The following SCRN3 variants were observed in gnomAD, a reference collection of about 807,000 sequenced individuals.
The protein encoded by SCRN3 is secernin 3, also known as secernin-3.
A neutral mutation model predicts 43.1 loss-of-function variants in SCRN3; 39 were observed. The ratio of observed to expected loss-of-function variants is 0.91; its 90% CI spans 0.70 to 1.18. The LOEUF (loss-of-function observed/expected upper bound fraction) is 1.18. SCRN3 is among the 50% of genes most tolerant of loss of function. The pLI is 0.00. For missense variants in SCRN3, 484 were observed against 498.0 expected, an observed-to-expected ratio of 0.97 and a Z score of 0.27; for synonymous variants, 147 against 163.1, an observed-to-expected ratio of 0.90 and a Z score of 0.75.
intron 5 of SCRN3, among the ~76,000 whole-genome samples, chr2:174,420,969 A>G (rs1010561820): frequency 1.3e-5 from 2 of 152,180 alleles, no homozygotes; most frequent in African/African-American, 4.8e-5. Flanking sequence ...AGCCTCAAGA[A>G]GCTCTGCAAA....
At chr2:174,411,931 T>C (rs1314702717) in intron 5 of SCRN3, among the ~76,000 whole-genome samples, 1 of 152,082 alleles carries the variant, frequency 6.6e-6, no homozygotes, top group African/African-American at 2.4e-5. Context: ...AAAAAAAATT[T>C]TTTTAATTAA....
intron 7 of SCRN3, among the ~76,000 whole-genome samples, chr2:174,425,489 C>T (rs1298549112): frequency 2.0e-5 from 3 of 152,126 alleles, no homozygotes; most frequent in Admixed American, 6.5e-5. Context: ...AAGGCATATA[C>T]ATTTACATTC....
chr2:174,395,964 G>A (rs936133431), intron 1 of SCRN3, 147 bp downstream of exon 1: 9 of 1,390,860 alleles, frequency 6.5e-6, no homozygotes, highest in Non-Finnish European at 8.4e-6. Context: ...GGTGCGGGGT[G>A]GACCGCGGCG....
chr2:174,412,029 GTC>G (rs139230285), intron 5 of SCRN3, among the ~76,000 whole-genome samples: 1 of 151,782 alleles, frequency 6.6e-6, no homozygotes. Flanking sequence ...ACTCTACTCT[GTC>G]TCTCTCTCTC....
intron 5 of SCRN3, among the ~76,000 whole-genome samples, chr2:174,419,449 A>G (rs562146809): frequency 7.9e-5 from 12 of 152,278 alleles, no homozygotes; most frequent in Non-Finnish European, 1.6e-4. Context: ...GCACGATCAT[A>G]GTTTACTGTA....
chr2:174,395,769 G>A lies in SCRN3; in HGVS notation c.-58G>A. The A allele has an allele frequency of 1.3e-6, 2 of 1,578,286 alleles. No individual in the cohort carries two copies. The highest frequency in any genetic ancestry group is 1.7e-6 in the Non-Finnish European group (2 of 1,161,060). ...CTTCCGGCAACTGATGCCTCCACTG[G>A]CCACTCCTCCCTCCGTCCACCTGTC... On this transcript the variant is annotated 5_prime_UTR_variant, in exon 1 of 8. Transcript: ENST00000272732.
In SCRN3 at chr2:174,398,260, C is replaced by A; in HGVS notation, c.-9-15C>A. On this transcript the variant is annotated splice_polypyrimidine_tract_variant and intron_variant, in intron 1 of 7. Coordinates refer to ENST00000272732, the MANE Select transcript of SCRN3 (RefSeq NM_024583.5). ...AAGTGTTCTTTTTATTTTAAAACAT[C>A]TGTATAATTTTTAGTTAAAAAAAAT... 6.7e-7 allele frequency: 1 copy of A among 1,491,210 alleles called. No homozygotes were observed. The highest frequency in any genetic ancestry group is 9.0e-7 in the Non-Finnish European group (1 of 1,107,242). 92.4% of individuals were successfully genotyped at this position (1,491,210 alleles called of 1,614,324 possible). A position where few individuals can be genotyped will look rare whatever the true frequency, so the allele number is the denominator to read the frequency against.
intron 5 of SCRN3, 85 bp from the exon 6 acceptor site, chr2:174,422,800 T>C (rs1686336694): frequency 3.9e-6 from 3 of 772,558 alleles, no homozygotes; most frequent in Non-Finnish European, 6.2e-6. Flanking sequence ...ATATCTCACA[T>C]ATTATCAGTA....
chr2:174,411,130 C>T (rs1372377052), intron 5 of SCRN3, among the ~76,000 whole-genome samples: 3 of 152,134 alleles, frequency 2.0e-5, no homozygotes, highest in African/African-American at 7.2e-5. Flanking sequence ...TGGATCAATA[C>T]AGTTTCTTGT....
At position 174,426,881 on chromosome 2, in the gene SCRN3, G is replaced by T. The variant is rs541322106; in HGVS notation, c.1093-832G>T. Among the ~76,000 whole-genome samples the T allele has an allele frequency of 4.6e-5, 7 of 152,046 alleles. No individual in the cohort carries two copies. The East Asian group carries it at 1.2e-3, about 25-fold the overall frequency. On this transcript the variant is annotated intron_variant, in intron 7 of 7. Transcript: ENST00000272732. ...AGAGTCTCACTCTGTCGTCCAGGCTGGAGTGCCCTGGTGCGATCTCAGCTC... is the reference window on the plus strand; with the variant it reads ...AGAGTCTCACTCTGTCGTCCAGGCTTGAGTGCCCTGGTGCGATCTCAGCTC...
At chr2:174,401,932 G>C (rs1685521348) in intron 4 of SCRN3, among the ~76,000 whole-genome samples, 1 of 152,098 alleles carries the variant, frequency 6.6e-6, no homozygotes, top group East Asian at 1.9e-4. Context: ...AATGGTGCAC[G>C]AATGATACAG....
Position 174,429,326 on chromosome 2 carries a change from T to C in SCRN3, c.*1431T>C, listed in dbSNP as rs1686586833. 1 of 152,220 alleles carries C rather than the reference T, an allele frequency of 6.6e-6. No individual in the cohort carries two copies. Among genetic ancestry groups the C allele is most frequent in the South Asian group, 2.1e-4 (1 of 4,830 alleles). 9.4% of individuals were successfully genotyped at this position (152,220 alleles called of 1,614,324 possible). A position where few individuals can be genotyped will look rare whatever the true frequency, so the allele number is the denominator to read the frequency against. ...CTTGGCCTAAACTAGCACCGTCTTT[T>C]AGCTAGACCATTGCGTTAACTGTTC... On this transcript the variant is annotated 3_prime_UTR_variant, in exon 8 of 8. Coordinates refer to ENST00000272732, the MANE Select transcript of SCRN3 (RefSeq NM_024583.5).
In SCRN3 at chr2:174,396,121, C is replaced by A. The variant is rs1168387761; in HGVS notation, c.-10+304C>A. 14 of 971,162 alleles carry A rather than the reference C, an allele frequency of 1.4e-5. No individual in the cohort carries two copies. In the South Asian group the frequency reaches 6.0e-4, roughly 42 times the overall value. The allele number at this position is 971,162 out of a possible 1,614,324, so 60.2% of individuals were successfully genotyped here. Reference sequence around the variant, plus strand: ...CTAACCGTAGTATGCTTGCGAGAATCCAACAATATGATGTTTCTGAAAGCG... The same window carrying A: ...CTAACCGTAGTATGCTTGCGAGAATACAACAATATGATGTTTCTGAAAGCG... On this transcript the variant is annotated intron_variant, in intron 1 of 7. Coordinates refer to ENST00000272732, the MANE Select transcript of SCRN3 (RefSeq NM_024583.5).
chr2:174,423,013 A>G lies in SCRN3; in HGVS notation c.883A>G (p.Ile295Val). Residue 295 changes from isoleucine (I) to valine (V), a missense_variant, in exon 6 of 8, where the codon ATT becomes GTT. Transcript: ENST00000272732. ...ACCTCAAGACTCCAGCCTTCCTTGC[A>G]TTCACTTCTTTACAGGGACTCCTGA... The part of the protein sequence containing the change: ...ILPQDSSLPC[I>V]HFFTGTPDPE... 1 of 1,613,702 alleles carries G rather than the reference A, an allele frequency of 6.2e-7. No homozygotes were observed. The highest frequency in any genetic ancestry group is 8.5e-7 in the Non-Finnish European group (1 of 1,179,740).
chr2:174,396,796 C>CAAAAAAAAAAAAAA (rs57053389), intron 1 of SCRN3, among the ~76,000 whole-genome samples: 1 of 137,400 alleles, frequency 7.3e-6, no homozygotes, highest in Non-Finnish European at 1.6e-5. Flanking sequence ...TAAACTCCAT[C>CAAAAAAAAAAAAAA]AAAAAAAAAA....
chr2:174,404,002 A>G (rs2105571151), intron 4 of SCRN3, 101 bp from the exon 5 acceptor site: 1 of 855,498 alleles, frequency 1.2e-6, no homozygotes, highest in East Asian at 2.7e-5. Context: ...AGAAGTCTAT[A>G]TTTATGTTTA....
chr2:174,397,867 G>A (rs976566798), intron 1 of SCRN3, among the ~76,000 whole-genome samples: 6 of 152,240 alleles, frequency 3.9e-5, no homozygotes, highest in Admixed American at 3.9e-4. Context: ...TACAGTAGAA[G>A]AAGGTAGTTC....
intron 5 of SCRN3, among the ~76,000 whole-genome samples, chr2:174,408,336 T>C (rs1454012263): frequency 7.6e-6 from 1 of 131,104 alleles, no homozygotes; most frequent in African/African-American, 2.6e-5. Flanking sequence ...CATCCTTTTA[T>C]TTTGAGCCTA....
intron 5 of SCRN3, among the ~76,000 whole-genome samples, chr2:174,413,731 C>G (rs1188148058): frequency 6.6e-6 from 1 of 151,874 alleles, no homozygotes; most frequent in African/African-American, 2.4e-5. Flanking sequence ...GCTGGGACTA[C>G]AGGCACATGT....
Sources: gnomAD v4.1 joint callset for allele counts (sites outside exome capture counted in the v4.1 genomes callset) on GRCh38, gnomAD v4.1.1 for gene constraint, MANE v1.5 for transcripts, NCBI Gene and HGNC (gene_info 2026-07-23, HGNC 2026-07-21) for gene names.